Variants in APBB2 observed in about 807,000 individuals in gnomAD.
APBB2 encodes the protein Fe65-like 1.
A neutral mutation model predicts 82.5 loss-of-function variants in APBB2; 38 were observed. The ratio of observed to expected loss-of-function variants is 0.46; its 90% CI spans 0.36 to 0.60. The LOEUF is 0.60. Among genes scored for constraint, APBB2 ranks in the 20% least tolerant of loss-of-function variants. APBB2 has a pLI of 0.00. For synonymous variants in APBB2, 341 were observed against 368.2 expected (o/e 0.93, Z 0.85); for missense variants, 772 against 972.3 (o/e 0.79, Z 2.74).
At chr4:41,125,118 A>G (rs1023461824) in intron 2 of APBB2, among the ~76,000 whole-genome samples, 1 of 152,208 alleles carries the variant, frequency 6.6e-6, no homozygotes, top group Non-Finnish European at 1.5e-5. Flanking sequence ...GCTGGAATTC[A>G]GGGTCATCTG....
rs2154349606 is a variant in APBB2, at chr4:40,887,176, C to T, written c.1529+3188G>A. ...TGGGGGTGTCATAGCCAATCACCTC[C>T]TCATGCAAAGTAAACTCATTCCCGA... On this transcript the variant is annotated intron_variant, in intron 12 of 17. Coordinates refer to ENST00000508593, the MANE Select transcript of APBB2 (RefSeq NM_004307.2). 2.0e-5 allele frequency among the ~76,000 whole-genome samples: 3 copies of T among 152,316 alleles called. No homozygotes were observed. The South Asian group carries it at 6.2e-4, about 32-fold the overall frequency.
chr4:41,210,009 T>C (rs1385214609), intron 1 of APBB2, among the ~76,000 whole-genome samples: 4 of 152,082 alleles, frequency 2.6e-5, no homozygotes, highest in Non-Finnish European at 5.9e-5. Flanking sequence ...TAGATTCTCA[T>C]AGGGAGTGCA....
chr4:41,033,401 T>A, intron 4 of APBB2, 97 bp from the exon 5 acceptor site: 1 of 784,560 alleles, frequency 1.3e-6, no homozygotes, highest in Non-Finnish European at 1.9e-6. Flanking sequence ...AAAGCTGTTA[T>A]ATATACCAAA....
At chr4:40,963,961 TAC>T (rs769814953) in intron 6 of APBB2, among the ~76,000 whole-genome samples, 49 of 152,068 alleles carry the variant, frequency 3.2e-4, no homozygotes, top group Non-Finnish European at 6.8e-4. Context: ...TGAAAGAAAA[TAC>T]AGAGTTTAAA....
intron 4 of APBB2, among the ~76,000 whole-genome samples, chr4:41,058,583 T>C (rs1728638085): frequency 6.6e-6 from 1 of 152,206 alleles, no homozygotes; most frequent in African/African-American, 2.4e-5. Context: ...CACAGAAAGT[T>C]ATCTACAAGT....
rs80062683 is a variant in APBB2, at chr4:41,206,112, C to T, written c.-417+8293G>A. Among the ~76,000 whole-genome samples, 308 of 152,310 alleles carry T rather than the reference C, an allele frequency of 2.0e-3. 1 individual carries two copies. The highest frequency in any genetic ancestry group is 7.1e-3 in the African/African-American group (293 of 41,558). On this transcript the variant is annotated intron_variant, in intron 1 of 17. Transcript: ENST00000508593. ...GCAAAACTGTCCTGCTTAAGAACTA[C>T]TGCCACAGAGATTTGAAAGGCCAAA...
At chr4:41,057,099 A>G (rs1728095148) in intron 4 of APBB2, among the ~76,000 whole-genome samples, 1 of 152,240 alleles carries the variant, frequency 6.6e-6, no homozygotes, top group African/African-American at 2.4e-5. Flanking sequence ...AGTATTTTCC[A>G]TAAAATCAAA....
rs1401183760 is a variant in APBB2, at chr4:40,858,455, A to T, written c.1530-27878T>A. Among the ~76,000 whole-genome samples, 75 of 34,764 alleles carry T rather than the reference A, an allele frequency of 2.2e-3. 1 individual carries two copies. Among genetic ancestry groups the T allele is most frequent in the African/African-American group, 7.6e-3 (68 of 8,906 alleles). 22.8% of individuals were successfully genotyped at this position (34,764 alleles called of 152,430 possible). A position where few individuals can be genotyped will look rare whatever the true frequency, so the allele number is the denominator to read the frequency against. On this transcript the variant is annotated intron_variant, in intron 12 of 17. Transcript: ENST00000508593. ...GAGTGACAGAGTGAGAGTCCGTCTC[A>T]AAAAAAAAAAAAAAAAAAAAAAAGA...
At chr4:41,033,412 C>A in intron 4 of APBB2, 108 bp from the exon 5 acceptor site, 1 of 649,064 alleles carries the variant, frequency 1.5e-6, no homozygotes, top group Non-Finnish European at 2.4e-6. Flanking sequence ...ATATACCAAA[C>A]AAATTTTGGC....
rs951694338 is a variant in APBB2, at chr4:40,826,041, G to A, written c.1733-71C>T. 1 of 1,186,310 alleles carries A rather than the reference G, an allele frequency of 8.4e-7. No homozygotes were observed. The highest frequency in any genetic ancestry group is 1.7e-5 in the Admixed American group (1 of 59,392). 73.5% of individuals were successfully genotyped at this position (1,186,310 alleles called of 1,614,324 possible). Reference sequence around the variant, plus strand: ...ACATGTACACAACAGCCGTGGCTCTGCATCATCTGAATGCTCAGGACACGC... The same window carrying A: ...ACATGTACACAACAGCCGTGGCTCTACATCATCTGAATGCTCAGGACACGC... On this transcript the variant is annotated intron_variant, in intron 14 of 17. Coordinates refer to ENST00000508593, the MANE Select transcript of APBB2 (RefSeq NM_004307.2). This position sits in a 1 kb window ranked among gnomAD's most constrained non-coding sequence, Gnocchi z 4.5.
intron 4 of APBB2, among the ~76,000 whole-genome samples, chr4:41,046,579 T>C (rs536702907): frequency 5.6e-4 from 84 of 150,070 alleles, no homozygotes; most frequent in African/African-American, 9.6e-4. Flanking sequence ...ATAAAGCAGA[T>C]GGTCTTCTCC....
intron 6 of APBB2, among the ~76,000 whole-genome samples, chr4:41,007,583 G>A (rs1807107160): frequency 6.6e-6 from 1 of 152,126 alleles, no homozygotes. Context: ...TGAATTAGTG[G>A]CCCCAATTCT....
chr4:41,051,392 TCCCA>T (rs1725879894), intron 4 of APBB2, among the ~76,000 whole-genome samples: 1 of 152,090 alleles, frequency 6.6e-6, no homozygotes, highest in Admixed American at 6.5e-5. Flanking sequence ...TTCCCCAGAG[TCCCA>T]GGTTAAGAAC....
intron 12 of APBB2, among the ~76,000 whole-genome samples, chr4:40,835,385 G>A (rs1753549580): frequency 6.6e-6 from 1 of 152,130 alleles, no homozygotes; most frequent in African/African-American, 2.4e-5. Context: ...AGCCTTGCAA[G>A]CCCGTCTAAT....
rs537897409 is a variant in APBB2, at chr4:41,149,107, G to T, written c.-416-5965C>A. Among the ~76,000 whole-genome samples, 3 of 152,118 alleles carry T rather than the reference G, an allele frequency of 2.0e-5. No individual in the cohort carries two copies. In the East Asian group the frequency reaches 5.8e-4, roughly 29 times the overall value. On this transcript the variant is annotated intron_variant, in intron 1 of 17. Transcript: ENST00000508593. The stretch of plus-strand genomic sequence containing the variant: ...ACCACCATATGAAGGGCGCTCTGAG[G>T]TTTGAGGGATTACAATTTATGTGTT...
At chr4:40,874,469 C>G (rs1365978066) in intron 12 of APBB2, among the ~76,000 whole-genome samples, 2 of 151,686 alleles carry the variant, frequency 1.3e-5, no homozygotes, top group Non-Finnish European at 2.9e-5. Context: ...AAGTGCTGTT[C>G]GTAAGAACAC....
intron 6 of APBB2, among the ~76,000 whole-genome samples, chr4:40,948,881 T>C (rs1433469570): frequency 9.9e-6 from 1 of 101,358 alleles, no homozygotes; most frequent in African/African-American, 4.5e-5. Flanking sequence ...AGAAGTGAGA[T>C]CCTGTCTCCA....
intron 2 of APBB2, among the ~76,000 whole-genome samples, chr4:41,123,302 C>T (rs1424619629): frequency 3.3e-5 from 5 of 151,984 alleles, no homozygotes; most frequent in Admixed American, 6.6e-5. Context: ...ATGAATGATT[C>T]GGTCGGTCAG....
intron 6 of APBB2, among the ~76,000 whole-genome samples, chr4:40,973,736 C>T (rs1164128768): frequency 8.5e-5 from 13 of 152,146 alleles, no homozygotes; most frequent in Non-Finnish European, 1.9e-4. Flanking sequence ...TAGTCCCAGA[C>T]ATTCCTTGGT....
Sources: allele counts gnomAD v4.1 joint callset (sites outside exome capture counted in the v4.1 genomes callset), GRCh38; gene constraint gnomAD v4.1.1; non-coding constraint Gnocchi (gnomAD v3.1); transcripts MANE v1.5; gene names NCBI Gene and HGNC (gene_info 2026-07-23, HGNC 2026-07-21).